Variants in PSG4 observed in about 807,000 individuals in gnomAD.
PSG4 encodes pregnancy specific beta-1-glycoprotein 4, also known as pregnancy-specific beta-1-glycoprotein 4.
PSG4 carries 61 observed loss-of-function variants against 44.3 expected under a neutral mutation model. The ratio of observed to expected loss-of-function variants is 1.38; its 90% CI spans 1.12 to 1.70. The LOEUF (loss-of-function observed/expected upper bound fraction) is 1.70, where lower values mean the gene tolerates loss of function less well. PSG4 is among the 40% of genes most tolerant of loss of function. PSG4 has a pLI of 0.00. For synonymous variants in PSG4, 248 were observed against 191.3 expected, an observed-to-expected ratio of 1.30 and a Z score of -2.45; for missense variants, 677 against 511.7, an observed-to-expected ratio of 1.32 and a Z score of -3.12.
chr19:43,205,547 G>C lies in PSG4; in HGVS notation c.-11C>G, dbSNP rs761089417. ...TGAGAGGGGCCCCATGGTCTCTGCT[G>C]CTTGTGTGTTCTCCTCTGTGGAGAT... On this transcript the variant is annotated 5_prime_UTR_variant, in exon 1 of 6. Coordinates refer to ENST00000405312, the MANE Select transcript of PSG4 (RefSeq NM_002780.5). 1.0e-4 allele frequency: 160 copies of C among 1,545,960 alleles called. 14 individuals are homozygous for C. Among genetic ancestry groups the C allele is most frequent in the Middle Eastern group, 1.7e-4 (1 of 5,862 alleles).
Position 43,205,448 on chromosome 19 carries a change from C to A in PSG4, c.64+25G>T, listed in dbSNP as rs780343890. 2.4e-5 allele frequency: 36 copies of A among 1,519,610 alleles called. 1 individual carries two copies. Among genetic ancestry groups the A allele is most frequent in the Non-Finnish European group, 2.8e-5 (31 of 1,120,966 alleles). The allele number at this position is 1,519,610 out of a possible 1,614,324, so 94.1% of individuals were successfully genotyped here. A position where few individuals can be genotyped will look rare whatever the true frequency, so the allele number is the denominator to read the frequency against. The stretch of plus-strand genomic sequence containing the variant: ...AGTCACTCTGCTTCCTCCTCCTGTC[C>A]TCTCCCAGGAAGTTCTCTCCTCACC... On this transcript the variant is annotated intron_variant, in intron 1 of 5. Coordinates refer to ENST00000405312, the MANE Select transcript of PSG4 (RefSeq NM_002780.5).
chr19:43,205,614 G>C lies in PSG4; in HGVS notation c.-78C>G. The C allele has an allele frequency of 9.3e-6, 13 of 1,396,184 alleles. 1 individual carries two copies. The highest frequency in any genetic ancestry group is 1.2e-5 in the Non-Finnish European group (13 of 1,044,972). 86.5% of individuals were successfully genotyped at this position (1,396,184 alleles called of 1,614,324 possible). A position where few individuals can be genotyped will look rare whatever the true frequency, so the allele number is the denominator to read the frequency against. ...AGCTTCCTGAGTACGGCTGTCAGCT[G>C]TGCTGTCCTTCCTCCTTCTGTGCTG... is the stretch of plus-strand genomic sequence containing the variant. On this transcript the variant is annotated 5_prime_UTR_variant, in exon 1 of 6. Coordinates refer to ENST00000405312, the MANE Select transcript of PSG4 (RefSeq NM_002780.5).
At position 43,202,636 on chromosome 19, in the gene PSG4, C is replaced by T. The variant is rs1396458904; in HGVS notation, c.430+1250G>A. Among the ~76,000 whole-genome samples, 5 of 144,646 alleles carry T rather than the reference C, an allele frequency of 3.5e-5. No individual in the cohort carries two copies. The East Asian group carries it at 9.5e-4, about 28-fold the overall frequency. The allele number at this position is 144,646 out of a possible 152,430, so 94.9% of individuals were successfully genotyped here. A position where few individuals can be genotyped will look rare whatever the true frequency, so the allele number is the denominator to read the frequency against. ...GGTCCTCTCCTTGATCTTCTCATGA[C>T]AGTGACATGGGCACTTTGGGAAACA... On this transcript the variant is annotated intron_variant, in intron 2 of 5. Transcript: ENST00000405312.
At chr19:43,195,890 G>T (rs1432848423) in intron 3 of PSG4, among the ~76,000 whole-genome samples, 1 of 150,380 alleles carries the variant, frequency 6.6e-6, no homozygotes, top group African/African-American at 2.5e-5. Flanking sequence ...GTTTCATGAT[G>T]ACTTACTTGA....
intron 5 of PSG4, chr19:43,193,745 T>C: frequency 1.9e-6 from 1 of 538,950 alleles, no homozygotes; most frequent in South Asian, 2.4e-5. Context: ...TATTGGTTCA[T>C]TCTATCTATA....
chr19:43,196,203 T>C (rs1028347398), intron 3 of PSG4, among the ~76,000 whole-genome samples: 14 of 151,614 alleles, frequency 9.2e-5, no homozygotes, highest in African/African-American at 3.4e-4. Context: ...TTTGCAAATA[T>C]TTTCTTTCAT....
intron 2 of PSG4, chr19:43,198,608 T>C (rs1967364531): frequency 3.1e-6 from 1 of 324,606 alleles, no homozygotes; most frequent in South Asian, 4.8e-5. Context: ...CTTGTGGTCC[T>C]CACTTGGAGC....
At chr19:43,201,410 A>C (rs1191216103) in intron 2 of PSG4, among the ~76,000 whole-genome samples, 1 of 145,606 alleles carries the variant, frequency 6.9e-6, no homozygotes, top group Non-Finnish European at 1.5e-5. Context: ...GTCATTTGGC[A>C]AGAGTTTACA....
Position 43,194,437 on chromosome 19 carries a change from G to T in PSG4, c.1146C>A (p.Pro382=). 6.2e-7 allele frequency: 1 copy of T among 1,612,360 alleles called. No homozygotes were observed. Among genetic ancestry groups the T allele is most frequent in the South Asian group, 1.1e-5 (1 of 91,026 alleles). ...GCCCACTATGCTTTGTAGTTATTTGGGGGATAGAGAGCTTTTGTCCTGATA... is the reference window on the plus strand; with the variant it reads ...GCCCACTATGCTTTGTAGTTATTTGTGGGATAGAGAGCTTTTGTCCTGATA... ...FQLSGQKLSI[P]QITTKHSGLY... Residue 382 remains proline, a synonymous_variant, in exon 5 of 6, where the codon CCC becomes CCA. Transcript: ENST00000405312.
rs181718686 is a variant in PSG4, at chr19:43,194,633, G to A, written c.989-39C>T. 78 of 1,582,486 alleles carry A rather than the reference G, an allele frequency of 4.9e-5. 3 individuals carry two copies. Among genetic ancestry groups the A allele is most frequent in the Admixed American group, 1.7e-4 (10 of 57,858 alleles). On this transcript the variant is annotated intron_variant, in intron 4 of 5. Transcript: ENST00000405312. Reference sequence around the variant, plus strand: ...AATAAAGCCATAGGTGATGTCATCCGAGGGAAGGGGATGTTCCTGGTCTCT... The same window carrying A: ...AATAAAGCCATAGGTGATGTCATCCAAGGGAAGGGGATGTTCCTGGTCTCT...
chr19:43,195,515 G>A (rs1967204915), intron 3 of PSG4, among the ~76,000 whole-genome samples: 1 of 151,396 alleles, frequency 6.6e-6, no homozygotes, highest in Non-Finnish European at 1.5e-5. Context: ...GCAGTGTTGG[G>A]TCATGGACAG....
chr19:43,199,678 G>T (rs1215583692), intron 2 of PSG4, among the ~76,000 whole-genome samples: 2 of 145,066 alleles, frequency 1.4e-5, no homozygotes, highest in Admixed American at 6.9e-5. Context: ...GTAAAAAGTT[G>T]TCAGGAATTT....
At chr19:43,193,926 G>A in intron 5 of PSG4, 1 of 741,880 alleles carries the variant, frequency 1.3e-6, no homozygotes. Flanking sequence ...CAGGTAGAGA[G>A]CAAAAGTAAA....
At chr19:43,196,923 G>A (rs1276204402) in intron 3 of PSG4, 1 of 145,540 alleles carries the variant, frequency 6.9e-6, no homozygotes, top group Non-Finnish European at 1.5e-5. Flanking sequence ...ACTAACTTTG[G>A]GTAGTATTGT....
Position 43,195,055 on chromosome 19 carries a change from A to G in PSG4, c.928T>C (p.Cys310Arg), listed in dbSNP as rs759698813. The stretch of plus-strand genomic sequence containing the variant: ...CCACCATATCGGTCCCGTATTTCAC[A>G]TTGATAAGGTCCTGTTTCATTTCTC... ...VTRNETGPYQ[C>R]EIRDRYGGIR... Residue 310 changes from cysteine to arginine, a missense_variant, in exon 4 of 6, where the codon TGT becomes CGT. By Grantham distance (180) the Cys-to-Arg change is radical (BLOSUM62 -3). Transcript: ENST00000405312. The G allele has an allele frequency of 5.0e-6, 8 of 1,611,810 alleles. No homozygotes were observed. The East Asian group carries it at 6.7e-5, about 13-fold the overall frequency.
At chr19:43,197,658 G>T (rs1967309105) in intron 3 of PSG4, 1 of 379,436 alleles carries the variant, frequency 2.6e-6, no homozygotes, top group Non-Finnish European at 4.6e-6. Context: ...ATCCTGGTCT[G>T]TGGAAGGGCC....
At position 43,193,105 on chromosome 19, in the gene PSG4, A is replaced by C. The variant is rs1240993118; in HGVS notation, c.*267T>G. On this transcript the variant is annotated 3_prime_UTR_variant, in exon 6 of 6. Transcript: ENST00000405312. Reference sequence around the variant, plus strand: ...TAAGAGGGGTGGGAGCCTTATCATGATGGGGAGTCTTGTTCTGACATCTTT... The same window carrying C: ...TAAGAGGGGTGGGAGCCTTATCATGCTGGGGAGTCTTGTTCTGACATCTTT... 1.6e-6 allele frequency: 1 copy of C among 637,266 alleles called. No individual in the cohort carries two copies. Among genetic ancestry groups the C allele is most frequent in the East Asian group, 2.7e-5 (1 of 36,786 alleles). The allele number at this position is 637,266 out of a possible 1,614,324, so 39.5% of individuals were successfully genotyped here.
intron 3 of PSG4, among the ~76,000 whole-genome samples, chr19:43,197,277 T>A (rs201404510): frequency 6.9e-6 from 1 of 144,920 alleles, no homozygotes; most frequent in African/African-American, 2.7e-5. Context: ...GCAGGTGGCT[T>A]TTCCCTGATA....
chr19:43,195,124 T>G lies in PSG4; in HGVS notation c.859A>C (p.Lys287Gln), dbSNP rs1414219960. The change falls in exon 4 of 6, where the codon AAG (lysine) becomes CAG (glutamine). Residue 287 changes from lysine to glutamine, a missense_variant. Lys to Gln is a moderately conservative substitution (Grantham distance 53). Transcript: ENST00000405312. ...AGGATCCTGTTTTCAATGGGTCGCT[T>G]TACCCTGGGACTGACAGGGAGGCTC... ...GQSLPVSPRVKRPIENRILIL... is the reference protein window; with the variant it reads ...GQSLPVSPRVQRPIENRILIL... The G allele has an allele frequency of 6.8e-6, 11 of 1,610,646 alleles. No homozygotes were observed. Among genetic ancestry groups the G allele is most frequent in the Middle Eastern group, 4.3e-4 (2 of 4,682 alleles).
Sources: allele counts gnomAD v4.1 joint callset (sites outside exome capture counted in the v4.1 genomes callset), GRCh38; gene constraint gnomAD v4.1.1; transcripts MANE v1.5; gene names NCBI Gene and HGNC (gene_info 2026-07-23, HGNC 2026-07-21).